Variants in RNF144A observed in about 807,000 individuals in gnomAD.
The protein encoded by RNF144A is E3 ubiquitin-protein ligase RNF144A.
Under a neutral mutation model 38.7 loss-of-function variants are expected in RNF144A, and 11 were observed. That is an observed-to-expected ratio of 0.28 (90% confidence interval 0.18 to 0.47). The LOEUF is 0.47. Among genes scored for constraint, RNF144A ranks in the 20% least tolerant of loss-of-function variants. The pLI is 0.99. For missense variants in RNF144A, 316 were observed against 377.2 expected (o/e 0.84, Z 1.34); for synonymous variants, 149 against 143.9 (o/e 1.04, Z -0.25).
chr2:7,036,715 C>T (rs750341859), intron 8 of RNF144A, among the ~76,000 whole-genome samples: 3 of 152,168 alleles, frequency 2.0e-5, no homozygotes, highest in Non-Finnish European at 2.9e-5. Flanking sequence ...CTTGTCTGTG[C>T]CACCTTCAGT....
In RNF144A at chr2:7,031,742, C is replaced by T. The variant is rs575109713; in HGVS notation, c.747+1527C>T. Among the ~76,000 whole-genome samples the T allele has an allele frequency of 1.3e-3, 196 of 152,358 alleles. 1 individual carries two copies. Among genetic ancestry groups the T allele is most frequent in the African/African-American group, 4.6e-3 (190 of 41,576 alleles). On this transcript the variant is annotated intron_variant, in intron 8 of 8. Coordinates refer to ENST00000320892, the MANE Select transcript of RNF144A (RefSeq NM_014746.6). ...TTCCTGGACAATCTTAAATGCCGAC[C>T]ACGTGGCAGAGCCTGTGGGCGTCCA...
Position 7,043,309 on chromosome 2 carries a change from A to G in RNF144A, c.*3549A>G. ...GCAAAAATTACTTCAAGATGAGTTT[A>G]TTGTTTTCATTTGTATTGCAAAAGT... On this transcript the variant is annotated 3_prime_UTR_variant, in exon 9 of 9. Transcript: ENST00000320892. 1 of 985,310 alleles carries G rather than the reference A, an allele frequency of 1.0e-6. No individual in the cohort carries two copies. The highest frequency in any genetic ancestry group is 1.1e-4 in the East Asian group (1 of 8,824). The allele number at this position is 985,310 out of a possible 1,614,324, so 61.0% of individuals were successfully genotyped here.
At chr2:6,985,831 C>T (rs1424887090) in intron 2 of RNF144A, among the ~76,000 whole-genome samples, 1 of 152,108 alleles carries the variant, frequency 6.6e-6, no homozygotes, top group Non-Finnish European at 1.5e-5. Flanking sequence ...CACCATCGCA[C>T]CCGGCTAATT....
intron 7 of RNF144A, among the ~76,000 whole-genome samples, chr2:7,027,781 A>T (rs1672009599): frequency 6.6e-6 from 1 of 152,238 alleles, no homozygotes; most frequent in Non-Finnish European, 1.5e-5. Context: ...AGCTCCTGGG[A>T]TTGTTATGCC....
downstream of RNF144A, chr2:7,068,334 G>A (rs1674318389): frequency 2.1e-6 from 2 of 974,512 alleles, no homozygotes; most frequent in Admixed American, 2.3e-5. Context: ...AATTCATTTG[G>A]GTAGTGGCAC....
chr2:6,951,774 T>G (rs1666695525), intron 2 of RNF144A, among the ~76,000 whole-genome samples: 1 of 152,220 alleles, frequency 6.6e-6, no homozygotes. Context: ...ATATTGATCT[T>G]GCATCTAGTC....
At chr2:7,013,475 A>G (rs1357024003) in intron 3 of RNF144A, among the ~76,000 whole-genome samples, 1 of 152,226 alleles carries the variant, frequency 6.6e-6, no homozygotes, top group Non-Finnish European at 1.5e-5. Context: ...TAATAATGGT[A>G]TTGTAATATT....
At chr2:6,985,243 A>G (rs999910296) in intron 2 of RNF144A, among the ~76,000 whole-genome samples, 1 of 137,746 alleles carries the variant, frequency 7.3e-6, no homozygotes, top group Admixed American at 7.2e-5. Context: ...GTCATTTTGC[A>G]TGTTTTAATT....
In RNF144A at chr2:6,930,687, G is replaced by A. The variant is rs116796057; in HGVS notation, c.-211-10261G>A. ...GCTCACTACAGCTTTGATCTCTGGG[G>A]CTCAAGCAATCCTCCCACCTCAGCC... On this transcript the variant is annotated intron_variant, in intron 1 of 8. Coordinates refer to ENST00000320892, the MANE Select transcript of RNF144A (RefSeq NM_014746.6). Among the ~76,000 whole-genome samples the A allele has an allele frequency of 4.6e-3, 694 of 152,154 alleles. 4 individuals are homozygous for A. The highest frequency in any genetic ancestry group is 7.3e-3 in the Non-Finnish European group (495 of 68,016).
rs1471697659 is a variant in RNF144A at position 7,041,442 on chromosome 2, A to G, written c.*1682A>G. 2 of 985,788 alleles carry G rather than the reference A, an allele frequency of 2.0e-6. No homozygotes were observed. Among genetic ancestry groups the G allele is most frequent in the Admixed American group, 6.1e-5 (1 of 16,270 alleles). The allele number at this position is 985,788 out of a possible 1,614,324, so 61.1% of individuals were successfully genotyped here. On this transcript the variant is annotated 3_prime_UTR_variant, in exon 9 of 9. Coordinates refer to ENST00000320892, the MANE Select transcript of RNF144A (RefSeq NM_014746.6). ...TAGAAAATCCCTGTGTGTCAAAATTACATTCAAAAAGCTCTCCTTGTAATT... is the reference window on the plus strand; with the variant it reads ...TAGAAAATCCCTGTGTGTCAAAATTGCATTCAAAAAGCTCTCCTTGTAATT...
downstream of RNF144A, among the ~76,000 whole-genome samples, chr2:7,048,685 T>G (rs1480812828): frequency 1.3e-5 from 2 of 152,224 alleles, no homozygotes; most frequent in African/African-American, 4.8e-5. Context: ...TATGTTTCCT[T>G]GGCAGCAAAG....
chr2:6,994,943 C>A (rs1312388898), intron 2 of RNF144A, among the ~76,000 whole-genome samples: 1 of 152,188 alleles, frequency 6.6e-6, no homozygotes, highest in Admixed American at 6.5e-5. Flanking sequence ...GAATCTGGCT[C>A]ATTTCTGCCT....
chr2:6,924,616 C>T (rs1427477262), intron 1 of RNF144A, among the ~76,000 whole-genome samples: 1 of 152,212 alleles, frequency 6.6e-6, no homozygotes, highest in Non-Finnish European at 1.5e-5. Context: ...TCAGGAGCAG[C>T]AGAGGAGGGG....
rs543841957 is a variant in RNF144A, at chr2:6,945,143, C to T, written c.-12+3996C>T. 1.9e-3 allele frequency among the ~76,000 whole-genome samples: 296 copies of T among 152,358 alleles called. 1 individual carries two copies. The highest frequency in any genetic ancestry group is 6.8e-3 in the African/African-American group (283 of 41,590). ...AAACTGCAGCTTTGTGTGGCCGGCT[C>T]GTTGATGGTCTGCTTTTGGCTAGCT... is the stretch of plus-strand genomic sequence containing the variant. On this transcript the variant is annotated intron_variant, in intron 2 of 8. Coordinates refer to ENST00000320892, the MANE Select transcript of RNF144A (RefSeq NM_014746.6).
At chr2:7,048,547 G>T (rs1048145383), downstream of RNF144A, among the ~76,000 whole-genome samples, 1 of 152,182 alleles carries the variant, frequency 6.6e-6, no homozygotes, top group Non-Finnish European at 1.5e-5. Context: ...CCAAAGCCAC[G>T]TGAAGGTCAA....
downstream of RNF144A, among the ~76,000 whole-genome samples, chr2:7,071,476 C>T (rs545071511): frequency 6.6e-6 from 1 of 152,336 alleles, no homozygotes; most frequent in African/African-American, 2.4e-5. Flanking sequence ...ATCACAGCCT[C>T]ACTACTTCCC....
intron 2 of RNF144A, among the ~76,000 whole-genome samples, chr2:6,976,310 A>G (rs948244132): frequency 9.9e-5 from 15 of 152,186 alleles, no homozygotes; most frequent in African/African-American, 3.4e-4. Context: ...TAGTTGGGGA[A>G]TGGCATCTTG....
intron 6 of RNF144A, among the ~76,000 whole-genome samples, chr2:7,059,421 A>T (rs1673867578): frequency 6.6e-6 from 1 of 152,178 alleles, no homozygotes; most frequent in Non-Finnish European, 1.5e-5. Context: ...AGCTTTCAGT[A>T]CGTCCTGTTC....
Position 6,920,998 on chromosome 2 carries a change from G to A in RNF144A, c.-212+3376G>A, listed in dbSNP as rs755218708. Among the ~76,000 whole-genome samples the A allele has an allele frequency of 2.2e-4, 34 of 152,308 alleles. 1 individual carries two copies. Among genetic ancestry groups the A allele is most frequent in the Non-Finnish European group, 3.8e-4 (26 of 68,030 alleles). ...CAAGATCCAGAAATAAAAATGTACT[G>A]TTGGATCATATTTTTTTTCCAGGAG... On this transcript the variant is annotated intron_variant, in intron 1 of 8. Transcript: ENST00000320892.
Sources: gnomAD v4.1 joint callset for allele counts (sites outside exome capture counted in the v4.1 genomes callset) on GRCh38, gnomAD v4.1.1 for gene constraint, MANE v1.5 for transcripts, NCBI Gene and HGNC (gene_info 2026-07-23, HGNC 2026-07-21) for gene names.